USH2A: variants seen among roughly 807,000 people sequenced by gnomAD.
USH2A encodes the protein Usher syndrome 2A (autosomal recessive, mild).
In USH2A, 443 loss-of-function variants were observed where a neutral mutation model predicts 538.9. The observed-to-expected ratio is 0.82, with a 90% confidence interval of 0.76 to 0.89. The LOEUF is 0.89. Ranked by LOEUF, USH2A falls within the 40% of genes least tolerant of loss-of-function variation. USH2A has a pLI of 0.00. For synonymous variants in USH2A, 2,413 were observed against 2,273.5 expected (o/e 1.06, Z -1.75); for missense variants, 6,633 against 6,324.8 (o/e 1.05, Z -1.65).
At position 216,207,263 on chromosome 1, in the gene USH2A, T is replaced by C. The variant is rs749936850; in HGVS notation, c.3316+10A>G. 1.2e-6 allele frequency: 2 copies of C among 1,613,844 alleles called. No individual in the cohort carries two copies. The highest frequency in any genetic ancestry group is 2.2e-5 in the South Asian group (2 of 91,078). ...AATATTTATTTCTATTACCAAACCC[T>C]TAAACTCACTGTATGGGTATTGATC... On this transcript the variant is annotated intron_variant, in intron 16 of 71. Coordinates refer to ENST00000307340, the MANE Select transcript of USH2A (RefSeq NM_206933.4).
intron 44 of USH2A, among the ~76,000 whole-genome samples, chr1:215,851,684 T>C (rs1286879822): frequency 1.3e-5 from 2 of 152,146 alleles, no homozygotes; most frequent in Non-Finnish European, 2.9e-5. Flanking sequence ...CCTTACATCA[T>C]TCTTTGAAGC....
intron 37 of USH2A, among the ~76,000 whole-genome samples, chr1:215,957,445 G>A (rs2813729): frequency 9.9e-5 from 15 of 152,176 alleles, no homozygotes; most frequent in Non-Finnish European, 2.2e-4. Context: ...TTAACATGTT[G>A]TTGCTTGATG....
chr1:216,304,752 C>T (rs1198765773), intron 9 of USH2A, among the ~76,000 whole-genome samples: 1 of 151,768 alleles, frequency 6.6e-6, no homozygotes, highest in Non-Finnish European at 1.5e-5. Context: ...TTTTTAATTT[C>T]CATCTTGATT....
chr1:216,240,240 C>T (rs2035912155), intron 13 of USH2A, among the ~76,000 whole-genome samples: 1 of 152,156 alleles, frequency 6.6e-6, no homozygotes, highest in South Asian at 2.1e-4. Flanking sequence ...CCCTCTTACA[C>T]TTCAGGAAGA....
At chr1:216,085,120 G>A in intron 24 of USH2A, 1 of 464,076 alleles carries the variant, frequency 2.2e-6, no homozygotes, top group Non-Finnish European at 3.9e-6. Flanking sequence ...CAGAAACCTT[G>A]GTTTTGCAGT....
At chr1:215,640,435 G>C in intron 68 of USH2A, 123 bp downstream of exon 68, 1 of 1,275,042 alleles carries the variant, frequency 7.8e-7, no homozygotes, top group South Asian at 1.3e-5. Flanking sequence ...TTCACAAGAA[G>C]GGGGCACTTA....
chr1:215,643,247 C>T lies in USH2A; in HGVS notation c.14792-2513G>A, dbSNP rs559475259. ...TCCTGACGTCAAGTGATCTGCCCAC[C>T]TCTGCCTCCCAAAGTGCTGAGATTA... is the stretch of plus-strand genomic sequence containing the variant. On this transcript the variant is annotated intron_variant, in intron 67 of 71. Coordinates refer to ENST00000307340, the MANE Select transcript of USH2A (RefSeq NM_206933.4). Among the ~76,000 whole-genome samples, 175 of 152,298 alleles carry T rather than the reference C, an allele frequency of 1.1e-3. 1 individual carries two copies. Among genetic ancestry groups the T allele is most frequent in the African/African-American group, 4.1e-3 (171 of 41,572 alleles).
At chr1:216,188,324 T>G (rs1281214816) in intron 20 of USH2A, among the ~76,000 whole-genome samples, 1 of 151,838 alleles carries the variant, frequency 6.6e-6, no homozygotes, top group Non-Finnish European at 1.5e-5. Context: ...ATCCAGCTAG[T>G]TTCTAGGGAC....
chr1:216,086,156 T>C (rs975226497), intron 24 of USH2A, among the ~76,000 whole-genome samples: 2 of 152,274 alleles, frequency 1.3e-5, no homozygotes, highest in South Asian at 4.1e-4. Flanking sequence ...TATGTTCTTA[T>C]GCTCTTGTTC....
At chr1:215,693,110 G>GTGTT (rs1553253910) in intron 61 of USH2A, among the ~76,000 whole-genome samples, 1 of 93,610 alleles carries the variant, frequency 1.1e-5, no homozygotes, top group Non-Finnish European at 2.4e-5. Flanking sequence ...GTGTGTGTGT[G>GTGTT]TATGTGTATA....
chr1:215,845,770 C>A (rs754352891), intron 45 of USH2A, 54 bp downstream of exon 45: 5 of 1,575,374 alleles, frequency 3.2e-6, no homozygotes, highest in Admixed American at 3.4e-5. Context: ...CGGCAAGAAT[C>A]AATCAATTTC....
chr1:215,672,020 C>T (rs1657833648), intron 63 of USH2A, among the ~76,000 whole-genome samples: 1 of 152,158 alleles, frequency 6.6e-6, no homozygotes, highest in Non-Finnish European at 1.5e-5. Context: ...CATGAAGACA[C>T]CTTATCACCA....
At chr1:216,350,435 G>A (rs2102689732) in intron 4 of USH2A, among the ~76,000 whole-genome samples, 1 of 152,258 alleles carries the variant, frequency 6.6e-6, no homozygotes, top group South Asian at 2.1e-4. Context: ...CTATGAGCCT[G>A]TAAAATCAAA....
chr1:215,911,072 T>C lies in USH2A; in HGVS notation c.7301-10167A>G, dbSNP rs560342898. On this transcript the variant is annotated intron_variant, in intron 38 of 71. Transcript: ENST00000307340. ...TTTTCTTAATTTTTTAATTTTTTTTTAATTTGTGGCATATAGGAGGTATAT... is the reference window on the plus strand; with the variant it reads ...TTTTCTTAATTTTTTAATTTTTTTTCAATTTGTGGCATATAGGAGGTATAT... Among the ~76,000 whole-genome samples the C allele has an allele frequency of 2.0e-5, 3 of 151,922 alleles. No homozygotes were observed. In the South Asian group the frequency reaches 6.2e-4, roughly 31 times the overall value.
At chr1:215,739,097 C>T (rs1227680399) in intron 60 of USH2A, among the ~76,000 whole-genome samples, 1 of 152,168 alleles carries the variant, frequency 6.6e-6, no homozygotes, top group Non-Finnish European at 1.5e-5. Context: ...CCCAGTGCGC[C>T]ATTTTCATTT....
intron 41 of USH2A, among the ~76,000 whole-genome samples, chr1:215,883,825 T>C (rs1046613114): frequency 2.0e-5 from 3 of 152,216 alleles, no homozygotes; most frequent in Non-Finnish European, 2.9e-5. Flanking sequence ...CTACAGAAAG[T>C]ACCACCTCAT....
chr1:216,328,308 C>A (rs2037777252), intron 4 of USH2A, among the ~76,000 whole-genome samples: 1 of 152,020 alleles, frequency 6.6e-6, no homozygotes, highest in South Asian at 2.1e-4. Flanking sequence ...ATTAGGTGAC[C>A]TTTCAAGGCA....
chr1:216,128,629 A>G (rs577442657), intron 21 of USH2A, among the ~76,000 whole-genome samples: 49 of 152,146 alleles, frequency 3.2e-4, no homozygotes, highest in South Asian at 1.0e-3. Context: ...GTTACTTAAT[A>G]GTTGTAGATA....
rs201358198 is a variant in USH2A at position 216,199,856 on chromosome 1, T to C, written c.3582A>G (p.Pro1194=). 5.0e-6 allele frequency: 8 copies of C among 1,614,112 alleles called. No homozygotes were observed. The highest frequency in any genetic ancestry group is 8.5e-7 in the Non-Finnish European group (1 of 1,179,982). The part of the protein sequence containing the change: ...LSCAPLAGGQ[P]CVSYEGHETS... ...TTTCATGACCTTCGTAGGAAACACA[T>C]GGCTGACCACCAGCCAAAGGGGCAC... The change falls in exon 17 of 72, where the codon CCA becomes CCG. Residue 1194 remains proline (P), a synonymous_variant. Transcript: ENST00000307340.
Sources: gnomAD v4.1 joint callset for allele counts (sites outside exome capture counted in the v4.1 genomes callset) on GRCh38, gnomAD v4.1.1 for gene constraint, MANE v1.5 for transcripts, NCBI Gene and HGNC (gene_info 2026-07-23, HGNC 2026-07-21) for gene names.